Variants in KDM2A observed in about 807,000 individuals in gnomAD.
KDM2A encodes lysine-specific demethylase 2A.
Under a neutral mutation model 137.3 loss-of-function variants are expected in KDM2A, and 3 were observed. The ratio of observed to expected loss-of-function variants is 0.02; its 90% CI spans 0.01 to 0.06. The LOEUF (loss-of-function observed/expected upper bound fraction) is 0.06, where lower values mean the gene tolerates loss of function less well. KDM2A is among the 10% of genes least tolerant of loss of function. The pLI, the probability that KDM2A is intolerant of heterozygous loss-of-function variation, is 1.00. For synonymous variants in KDM2A, 512 were observed against 541.5 expected, an observed-to-expected ratio of 0.95 and a Z score of 0.76; for missense variants, 738 against 1,510.6, an observed-to-expected ratio of 0.49 and a Z score of 8.48.
intron 5 of KDM2A, among the ~76,000 whole-genome samples, chr11:67,204,848 T>C (rs759257864): frequency 6.6e-6 from 1 of 152,206 alleles, no homozygotes; most frequent in Non-Finnish European, 1.5e-5. Flanking sequence ...ACTTCATTCC[T>C]TTTTATGGTC....
chr11:67,166,951 G>A (rs1010869602), intron 2 of KDM2A, among the ~76,000 whole-genome samples: 5 of 151,754 alleles, frequency 3.3e-5, no homozygotes, highest in African/African-American at 9.7e-5. Flanking sequence ...GGTGGTGCAC[G>A]CCTGTAATCC....
chr11:67,170,623 C>T (rs369780353), intron 2 of KDM2A, among the ~76,000 whole-genome samples: 62 of 151,984 alleles, frequency 4.1e-4, no homozygotes, highest in African/African-American at 1.4e-3. Flanking sequence ...CCATGTTAGC[C>T]AGGATGGTCT....
chr11:67,240,196 C>T, intron 12 of KDM2A: 2 of 1,531,868 alleles, frequency 1.3e-6, no homozygotes, highest in Non-Finnish European at 1.7e-6. Context: ...CAGAGCTGGA[C>T]TGCCCTGCCC....
chr11:67,190,305 G>A (rs1857320684), intron 5 of KDM2A, among the ~76,000 whole-genome samples: 1 of 152,140 alleles, frequency 6.6e-6, no homozygotes, highest in Non-Finnish European at 1.5e-5. Context: ...AGCTACTCAG[G>A]AGGCTGAGGC....
chr11:67,244,678 T>C (rs1859150945), intron 13 of KDM2A, among the ~76,000 whole-genome samples: 1 of 152,168 alleles, frequency 6.6e-6, no homozygotes, highest in Non-Finnish European at 1.5e-5. Flanking sequence ...AGTTCTACCA[T>C]GGTAGCATGA....
chr11:67,205,176 A>AT (rs1361391460), intron 5 of KDM2A, among the ~76,000 whole-genome samples: 23 of 152,174 alleles, frequency 1.5e-4, no homozygotes, highest in African/African-American at 5.3e-4. Flanking sequence ...ATTATTTTCC[A>AT]TTTTTTAAAT....
At chr11:67,199,667 T>G (rs1857569109) in intron 5 of KDM2A, among the ~76,000 whole-genome samples, 2 of 152,174 alleles carry the variant, frequency 1.3e-5, no homozygotes, top group Non-Finnish European at 2.9e-5. Flanking sequence ...AGAGGTTGGT[T>G]TATGAAGTTT....
intron 6 of KDM2A, among the ~76,000 whole-genome samples, chr11:67,209,788 C>G (rs934343185): frequency 6.6e-6 from 1 of 152,138 alleles, no homozygotes; most frequent in South Asian, 2.1e-4. Flanking sequence ...TGGCCACACA[C>G]GTTGGCTCAT....
chr11:67,246,573 TAAAA>T (rs771761236), intron 15 of KDM2A, among the ~76,000 whole-genome samples: 1 of 146,702 alleles, frequency 6.8e-6, no homozygotes, highest in Non-Finnish European at 1.5e-5. Context: ...TAAATAGCTT[TAAAA>T]AAAAAAAGTA....
intron 12 of KDM2A, chr11:67,240,385 G>A (rs1209970789): frequency 1.3e-6 from 2 of 1,532,268 alleles, no homozygotes; most frequent in African/African-American, 2.8e-5. Flanking sequence ...GGGGTCGATC[G>A]GCAAACCCTT....
chr11:67,136,112 C>G (rs1188511122), intron 2 of KDM2A, among the ~76,000 whole-genome samples: 1 of 152,176 alleles, frequency 6.6e-6, no homozygotes, highest in Non-Finnish European at 1.5e-5. Flanking sequence ...GAGATAAAAA[C>G]CCAATCTCAT....
chr11:67,182,001 T>G, intron 5 of KDM2A, 109 bp downstream of exon 5: 1 of 901,538 alleles, frequency 1.1e-6, no homozygotes, highest in Non-Finnish European at 1.8e-6. Context: ...AGTATATATT[T>G]GATTAGAAAC....
In KDM2A at chr11:67,198,759, GTTTGTTTTGT is replaced by G. The variant is rs71056183; in HGVS notation, c.308-8722_308-8713del. ...TATTATTTGTCAGTGGTGATCAGTAGTTTGTTTTGTTTTGTTTTGTTTTGTTTTGTTTTGT... is the reference window on the plus strand; with the variant it reads ...TATTATTTGTCAGTGGTGATCAGTAGTTTGTTTTGTTTTGTTTTGTTTTGT... On this transcript the variant is annotated intron_variant, in intron 5 of 20. Coordinates refer to ENST00000529006, the MANE Select transcript of KDM2A (RefSeq NM_012308.3). Among the ~76,000 whole-genome samples, 468 of 149,318 alleles carry G rather than the reference GTTTGTTTTGT, an allele frequency of 3.1e-3. 1 individual carries two copies. Among genetic ancestry groups the G allele is most frequent in the East Asian group, 5.8e-3 (29 of 5,028 alleles).
At chr11:67,178,594 A>C (rs1379439283) in intron 2 of KDM2A, among the ~76,000 whole-genome samples, 1 of 152,034 alleles carries the variant, frequency 6.6e-6, no homozygotes, top group Non-Finnish European at 1.5e-5. Context: ...TTCTGTCTCT[A>C]TGGATTTGCC....
chr11:67,203,249 C>T (rs1447974686), intron 5 of KDM2A, among the ~76,000 whole-genome samples: 1 of 151,514 alleles, frequency 6.6e-6, no homozygotes, highest in Non-Finnish European at 1.5e-5. Flanking sequence ...CTGTTGTACA[C>T]TTAATAGCCT....
intron 12 of KDM2A, among the ~76,000 whole-genome samples, chr11:67,233,057 G>A (rs1341269515): frequency 4.6e-5 from 7 of 152,054 alleles, no homozygotes; most frequent in Non-Finnish European, 8.8e-5. Flanking sequence ...TTCCTCCTAA[G>A]TAACAATTAA....
rs1333462404 is a variant in KDM2A at position 67,187,223 on chromosome 11, CAG to C, written c.307+5332_307+5333del. 2.0e-5 allele frequency among the ~76,000 whole-genome samples: 3 copies of C among 152,116 alleles called. No individual in the cohort carries two copies. The East Asian group carries it at 5.8e-4, about 29-fold the overall frequency. On this transcript the variant is annotated intron_variant, in intron 5 of 20. Transcript: ENST00000529006. ...AAATGTATCTAAGTACAAAAGAAAACAGTAATTTAGGAAAATGAGGAACAAAG... is the reference window on the plus strand; with the variant it reads ...AAATGTATCTAAGTACAAAAGAAAACTAATTTAGGAAAATGAGGAACAAAG...
chr11:67,195,369 C>CAAAA (rs34494813), intron 5 of KDM2A, among the ~76,000 whole-genome samples: 18 of 65,184 alleles, frequency 2.8e-4, no homozygotes, highest in African/African-American at 1.1e-3. Flanking sequence ...ACTCCGTCTC[C>CAAAA]AAAAAAAAAA....
chr11:67,187,698 C>A (rs940713613), intron 5 of KDM2A, among the ~76,000 whole-genome samples: 1 of 152,040 alleles, frequency 6.6e-6, no homozygotes, highest in African/African-American at 2.4e-5. Context: ...CTCAGCCTCC[C>A]AAGTAGCTGG....
Sources: allele counts gnomAD v4.1 joint callset (sites outside exome capture counted in the v4.1 genomes callset), GRCh38; gene constraint gnomAD v4.1.1; transcripts MANE v1.5; gene names NCBI Gene and HGNC (gene_info 2026-07-23, HGNC 2026-07-21).